TRANK1: variants seen among roughly 807,000 people sequenced by gnomAD.
The protein encoded by TRANK1 is tetratricopeptide repeat and ankyrin repeat containing 1.
Under a neutral mutation model 266.0 loss-of-function variants are expected in TRANK1, and 198 were observed. The ratio of observed to expected loss-of-function variants is 0.74; its 90% CI spans 0.66 to 0.84. The LOEUF is 0.84. TRANK1 is among the 40% of genes least tolerant of loss of function. The probability of loss-of-function intolerance (pLI) is 0.00; values close to 1 mark genes in which losing one functional copy is unlikely to be tolerated. For synonymous variants in TRANK1, 1,396 were observed against 1,384.1 expected (o/e 1.01, Z -0.19); for missense variants, 3,326 against 3,634.6 (o/e 0.92, Z 2.18).
At chr3:36,892,677 AC>A (rs1191963871) in intron 6 of TRANK1, among the ~76,000 whole-genome samples, 1 of 152,058 alleles carries the variant, frequency 6.6e-6, no homozygotes, top group Admixed American at 6.6e-5. Context: ...AAAAAATACA[AC>A]AATTAGCCGG....
At chr3:36,863,205 G>A (rs2079168680) in intron 10 of TRANK1, among the ~76,000 whole-genome samples, 1 of 152,052 alleles carries the variant, frequency 6.6e-6, no homozygotes, top group Non-Finnish European at 1.5e-5. Context: ...ATACCCTACA[G>A]AGAAAAAAAG....
Position 36,903,236 on chromosome 3 carries a change from T to C in TRANK1, c.195A>G (p.Lys65=), listed in dbSNP as rs1389369138. Residue 65 remains lysine (K), a synonymous_variant, in exon 3 of 24, where the codon AAA becomes AAG. Coordinates refer to ENST00000645898, the MANE Select transcript of TRANK1 (RefSeq NM_001329998.2). The part of the protein sequence containing the change: ...PRDLAVLLCN[K]SNAFFSLGKW... ...TCCCAAGGCTGAAAAATGCATTTGA[T>C]TTGTTGCACAGCAGCACAGCCAAGT... The C allele has an allele frequency of 1.4e-5, 22 of 1,537,230 alleles. No individual in the cohort carries two copies. The highest frequency in any genetic ancestry group is 1.5e-5 in the Non-Finnish European group (17 of 1,146,946).
chr3:36,874,290 GT>G lies in TRANK1; in HGVS notation c.913del (p.Thr305GlnfsTer28). On this transcript the variant is annotated frameshift_variant, in exon 9 of 24. Coordinates refer to ENST00000645898, the MANE Select transcript of TRANK1 (RefSeq NM_001329998.2). LOFTEE classifies it high-confidence loss of function. ...HSPGYLVKRQ[T>X]EDVQMLLRFG... is the part of the protein sequence containing the mutation. ...GCGCAGGAGCATCTGCACATCCTCTGTTTGTCCTAGGGCAGGCCAAAATGAG... is the reference window on the plus strand; with the variant it reads ...GCGCAGGAGCATCTGCACATCCTCTGTTGTCCTAGGGCAGGCCAAAATGAG... The G allele has an allele frequency of 6.5e-7, 1 of 1,536,852 alleles. No homozygotes were observed.
At chr3:36,930,576 A>C (rs967202856) in intron 1 of TRANK1, among the ~76,000 whole-genome samples, 2 of 152,242 alleles carry the variant, frequency 1.3e-5, no homozygotes, top group Non-Finnish European at 2.9e-5. Flanking sequence ...AATTAGTTCC[A>C]AATGAATAAA....
At chr3:36,872,388 C>T (rs528820451) in intron 9 of TRANK1, among the ~76,000 whole-genome samples, 25 of 151,862 alleles carry the variant, frequency 1.6e-4, no homozygotes, top group South Asian at 8.3e-4. Context: ...GGCAACAGAG[C>T]GAGACTTCGT....
intron 1 of TRANK1, among the ~76,000 whole-genome samples, chr3:36,914,466 T>A (rs1341471132): frequency 6.7e-6 from 1 of 150,156 alleles, no homozygotes; most frequent in African/African-American, 2.4e-5. Context: ...TTTTTTTTTT[T>A]AAGTAAATTT....
At chr3:36,935,049 T>C (rs1314417186) in intron 1 of TRANK1, among the ~76,000 whole-genome samples, 1 of 152,176 alleles carries the variant, frequency 6.6e-6, no homozygotes, top group African/African-American at 2.4e-5. Context: ...ATGTGCTATG[T>C]GTCCAGATTA....
At position 36,842,767 on chromosome 3, in the gene TRANK1, G is replaced by A. The variant is rs1034071545; in HGVS notation, c.5192-57C>T. The A allele has an allele frequency of 2.7e-6, 4 of 1,479,794 alleles. No individual in the cohort carries two copies. In the East Asian group the frequency reaches 7.0e-5, roughly 26 times the overall value. The allele number at this position is 1,479,794 out of a possible 1,614,324, so 91.7% of individuals were successfully genotyped here. A position where few individuals can be genotyped will look rare whatever the true frequency, so the allele number is the denominator to read the frequency against. On this transcript the variant is annotated intron_variant, in intron 17 of 23. Transcript: ENST00000645898. ...TCTGGGCTTTCTTTCACTTAAAACT[G>A]TTGTTATGGGCTGAGTTGCATCTCC...
chr3:36,905,000 C>T (rs1278650905), intron 2 of TRANK1, among the ~76,000 whole-genome samples: 1 of 151,936 alleles, frequency 6.6e-6, no homozygotes, highest in Non-Finnish European at 1.5e-5. Flanking sequence ...AAAAAAAATC[C>T]CTGGGTAGGC....
At chr3:36,851,967 A>G (rs1205646651) in intron 14 of TRANK1, 111 bp from the exon 15 acceptor site, 3 of 1,436,054 alleles carry the variant, frequency 2.1e-6, no homozygotes, top group Non-Finnish European at 2.8e-6. Context: ...CAGCATAAAC[A>G]TGGTCAGGCA....
In TRANK1 at chr3:36,852,195, A is replaced by G. The variant is rs373039567; in HGVS notation, c.4700T>C (p.Leu1567Pro). The part of the protein sequence containing the change: ...SCSVSDLAIL[L>P]RGNKRKTQPI... ...CTGAGTTTTCCTTTTATTCCCTCGT[A>G]GCAAAATTGCCAAGTCGCTTACACT... The change falls in exon 14 of 24, where the codon CTA (leucine) becomes CCA (proline). Residue 1567 changes from leucine to proline, a missense_variant. Leu to Pro is a moderately conservative substitution (Grantham distance 98). Coordinates refer to ENST00000645898, the MANE Select transcript of TRANK1 (RefSeq NM_001329998.2). 3.1e-6 allele frequency: 5 copies of G among 1,609,340 alleles called. No individual in the cohort carries two copies. The highest frequency in any genetic ancestry group is 4.2e-6 in the Non-Finnish European group (5 of 1,178,892).
rs780451778 is a variant in TRANK1 at position 36,855,284 on chromosome 3, C to A, written c.4438G>T (p.Asp1480Tyr). The change falls in exon 13 of 24, where the codon GAT (aspartate) becomes TAT (tyrosine). Residue 1480 changes from aspartate (D) to tyrosine (Y), a missense_variant. Transcript: ENST00000645898. ...IMKGVAFRFS[D>Y]LRSLFHYASR... ...GCATAATGGAACAGAGAGCGCAGATCGCTGAAGCGGAAGGCCACGCCCTTC... is the reference window on the plus strand; with the variant it reads ...GCATAATGGAACAGAGAGCGCAGATAGCTGAAGCGGAAGGCCACGCCCTTC... The A allele has an allele frequency of 1.2e-6, 2 of 1,613,952 alleles. No homozygotes were observed. Among genetic ancestry groups the A allele is most frequent in the Non-Finnish European group, 1.7e-6 (2 of 1,179,912 alleles).
chr3:36,828,986 T>A (rs1575170518), intron 23 of TRANK1, among the ~76,000 whole-genome samples: 1 of 152,170 alleles, frequency 6.6e-6, no homozygotes, highest in Non-Finnish European at 1.5e-5. Context: ...GTGGCTGGAA[T>A]GGGCAAAAGA....
chr3:36,869,903 A>G (rs544955644), intron 9 of TRANK1, among the ~76,000 whole-genome samples: 2 of 152,256 alleles, frequency 1.3e-5, no homozygotes, highest in Non-Finnish European at 2.9e-5. Flanking sequence ...TAGGAAAATT[A>G]TACTTCATGG....
rs56714482 is a variant in TRANK1, at chr3:36,866,052, A to AAAAGAAAGAAAGAAAG, written c.1079-1588_1079-1573dup. On this transcript the variant is annotated intron_variant, in intron 9 of 23. Transcript: ENST00000645898. ...AGAGAGAGAGAGACAGACAGAAAGA[A>AAAAGAAAGAAAGAAAG]AAAGAAAGAAAGAAAGAAAGAAAGA... 4.2e-3 allele frequency among the ~76,000 whole-genome samples: 537 copies of AAAAGAAAGAAAGAAAG among 127,872 alleles called. 3 individuals are homozygous for AAAAGAAAGAAAGAAAG. The highest frequency in any genetic ancestry group is 8.5e-3 in the East Asian group (36 of 4,222). The allele number at this position is 127,872 out of a possible 152,430, so 83.9% of individuals were successfully genotyped here.
In TRANK1 at chr3:36,855,195, G is replaced by C; in HGVS notation, c.4527C>G (p.Tyr1509Ter). 3 of 1,612,428 alleles carry C rather than the reference G, an allele frequency of 1.9e-6. No individual in the cohort carries two copies. The highest frequency in any genetic ancestry group is 2.5e-6 in the Non-Finnish European group (3 of 1,178,646). The change falls in exon 13 of 24, where the codon TAC becomes TAG. Residue 1509 changes from tyrosine (Y) to a stop codon, truncating the protein, a stop_gained. Transcript: ENST00000645898. LOFTEE classifies it high-confidence loss of function. Reference protein sequence around the residue: ...VRKPKKIHQLYQNYRSHSGIL... With the variant: ...VRKPKKIHQL ...TACCTGAGTGGGACCTGTAATTCTGGTACAGCTGGTGGATCTTCTTGGGCT... is the reference window on the plus strand; with the variant it reads ...TACCTGAGTGGGACCTGTAATTCTGCTACAGCTGGTGGATCTTCTTGGGCT...
chr3:36,862,538 C>T (rs1289455344), intron 10 of TRANK1, among the ~76,000 whole-genome samples: 1 of 152,206 alleles, frequency 6.6e-6, no homozygotes, highest in Non-Finnish European at 1.5e-5. Flanking sequence ...CCTCTCCCAC[C>T]TTCTGGCACT....
At chr3:36,934,585 TG>T (rs1352576190) in intron 1 of TRANK1, among the ~76,000 whole-genome samples, 2 of 152,130 alleles carry the variant, frequency 1.3e-5, no homozygotes, top group African/African-American at 4.8e-5. Flanking sequence ...CACCCCGCCC[TG>T]GGTATCTCTG....
At chr3:36,891,002 G>T (rs1476055215) in intron 7 of TRANK1, among the ~76,000 whole-genome samples, 2 of 152,154 alleles carry the variant, frequency 1.3e-5, no homozygotes, top group African/African-American at 4.8e-5. Context: ...TTTCAATCAG[G>T]CTTTACTTTT....
Sources: allele counts gnomAD v4.1 joint callset (sites outside exome capture counted in the v4.1 genomes callset), GRCh38; gene constraint gnomAD v4.1.1; transcripts MANE v1.5; gene names NCBI Gene and HGNC (gene_info 2026-07-23, HGNC 2026-07-21).